The following FBL variants were observed in gnomAD, a reference collection of about 807,000 sequenced individuals.
FBL encodes rRNA 2'-O-methyltransferase fibrillarin.
A neutral mutation model predicts 42.2 loss-of-function variants in FBL; 10 were observed. That is an observed-to-expected ratio of 0.24 (90% confidence interval 0.15 to 0.40). The LOEUF is 0.40. FBL is among the 10% of genes least tolerant of loss of function. The pLI, the probability that FBL is intolerant of heterozygous loss-of-function variation, is 1.00. For synonymous variants in FBL, 165 were observed against 165.4 expected (o/e 1.00, Z 0.02); for missense variants, 351 against 439.2 (o/e 0.80, Z 1.79).
In FBL at chr19:39,846,358, G is replaced by T; in HGVS notation, c.-58C>A. On this transcript the variant is annotated 5_prime_UTR_variant, in exon 1 of 9. Coordinates refer to ENST00000221801, the MANE Select transcript of FBL (RefSeq NM_001436.4). ...GCGGCGTTCACAACTCCACGAGTCC[G>T]GGGCTTTCGCACGTGGAAAAGAGCG... The T allele has an allele frequency of 1.2e-6, 2 of 1,604,606 alleles. No individual in the cohort carries two copies. The highest frequency in any genetic ancestry group is 1.1e-5 in the South Asian group (1 of 89,770).
In FBL at chr19:39,837,826, T is replaced by C; in HGVS notation, c.567A>G (p.Ala189=). 6.2e-7 allele frequency: 1 copy of C among 1,613,534 alleles called. No homozygotes were observed. The highest frequency in any genetic ancestry group is 8.5e-7 in the Non-Finnish European group (1 of 1,179,752). The change falls in exon 6 of 9, where the codon GCA becomes GCG. Residue 189 remains alanine (A), a synonymous_variant. Coordinates refer to ENST00000221801, the MANE Select transcript of FBL (RefSeq NM_001436.4). ...GGCCAGAGCGGTGGGAGAACTCGAC[T>C]GCATAGACTAGACCATCCTAAAATA... ...DIVGPDGLVY[A]VEFSHRSGRD... is the part of the protein sequence containing the mutation.
chr19:39,835,401 C>A (rs1384347147), intron 7 of FBL, among the ~76,000 whole-genome samples: 1 of 152,092 alleles, frequency 6.6e-6, no homozygotes, highest in African/African-American at 2.4e-5. Flanking sequence ...CACCTGTAGT[C>A]CCACCTACTC....
At position 39,840,543 on chromosome 19, in the gene FBL, A is replaced by G. The variant is rs766513915; in HGVS notation, c.182-28T>C. ...ATAAAGGAGAGGTACAACAGGAGAG[A>G]AAGATCCTGAATCTCCGCCCTCCCC... On this transcript the variant is annotated intron_variant, in intron 2 of 8. Coordinates refer to ENST00000221801, the MANE Select transcript of FBL (RefSeq NM_001436.4). This position sits in a 1 kb window ranked among gnomAD's most constrained non-coding sequence, Gnocchi z 4.5. 2 of 1,613,580 alleles carry G rather than the reference A, an allele frequency of 1.2e-6. No homozygotes were observed. The highest frequency in any genetic ancestry group is 1.7e-5 in the Admixed American group (1 of 60,016).
At position 39,846,324 on chromosome 19, in the gene FBL, C is replaced by T; in HGVS notation, c.-24G>A. 6.2e-7 allele frequency: 1 copy of T among 1,612,998 alleles called. No individual in the cohort carries two copies. Among genetic ancestry groups the T allele is most frequent in the Non-Finnish European group, 8.5e-7 (1 of 1,179,560 alleles). ...ATGGCGAGCCCTGGTTTGTGCGGCT[C>T]CGGAGTCCGCGGCGTTCACAACTCC... is the stretch of plus-strand genomic sequence containing the variant. On this transcript the variant is annotated 5_prime_UTR_variant, in exon 1 of 9. Transcript: ENST00000221801.
chr19:39,835,712 G>T (rs1969031894), intron 7 of FBL, among the ~76,000 whole-genome samples: 1 of 151,968 alleles, frequency 6.6e-6, no homozygotes, highest in East Asian at 1.9e-4. Context: ...GATTGCCTGA[G>T]CTCAGGAGCT....
At chr19:39,838,962 A>C in intron 5 of FBL, 73 bp downstream of exon 5, 1 of 1,410,714 alleles carries the variant, frequency 7.1e-7, no homozygotes, top group Non-Finnish European at 9.8e-7. Flanking sequence ...CAAGCAGTCA[A>C]ACCCTGATAT....
rs551087671 is a variant in FBL at position 39,840,814 on chromosome 19, G to A, written c.11-27C>T. On this transcript the variant is annotated intron_variant, in intron 1 of 8. Transcript: ENST00000221801. This position sits in a 1 kb window ranked among gnomAD's most constrained non-coding sequence, Gnocchi z 4.5. ...TGTGGGGGAAACAAAACAGGAGTCA[G>A]GGCAATGAAGCTTAAAAGGTTAAAC... is the stretch of plus-strand genomic sequence containing the variant. The A allele has an allele frequency of 6.6e-7, 1 of 1,504,024 alleles. No individual in the cohort carries two copies. Among genetic ancestry groups the A allele is most frequent in the Admixed American group, 2.4e-5 (1 of 41,420 alleles). 93.2% of individuals were successfully genotyped at this position (1,504,024 alleles called of 1,614,324 possible).
chr19:39,840,889 G>A lies in FBL; in HGVS notation c.11-102C>T, dbSNP rs1400433324. ...CAGGTGAGAAACCTGAAATACATGT[G>A]CCCGTGTACAGCAGGACACATTTCC... On this transcript the variant is annotated intron_variant, in intron 1 of 8. Coordinates refer to ENST00000221801, the MANE Select transcript of FBL (RefSeq NM_001436.4). The surrounding 1 kb of genome is among the most constrained non-coding windows in gnomAD (Gnocchi z 4.5). 4.4e-6 allele frequency: 5 copies of A among 1,129,298 alleles called. No homozygotes were observed. Among genetic ancestry groups the A allele is most frequent in the Middle Eastern group, 2.5e-4 (1 of 3,954 alleles). 70.0% of individuals were successfully genotyped at this position (1,129,298 alleles called of 1,614,324 possible).
rs1376514692 is a variant in FBL at position 39,840,697 on chromosome 19, C to T, written c.101G>A (p.Arg34Gln). Residue 34 changes from arginine to glutamine, a missense_variant, in exon 2 of 9, where the codon CGA becomes CAA. Arg to Gln is a conservative substitution (Grantham distance 43). Transcript: ENST00000221801. This position sits in a 1 kb window ranked among gnomAD's most constrained non-coding sequence, Gnocchi z 4.5. ...RGGRGGFGGG[R>Q]GRGGGFRGRG... Reference sequence around the variant, plus strand: ...ACCTCTAAAGCCTCCGCCTCGACCTCGGCCCCCGCCAAAGCCCCCTCGGCC... The same window carrying T: ...ACCTCTAAAGCCTCCGCCTCGACCTTGGCCCCCGCCAAAGCCCCCTCGGCC... The T allele has an allele frequency of 8.8e-6, 14 of 1,587,890 alleles. No individual in the cohort carries two copies. Among genetic ancestry groups the T allele is most frequent in the Admixed American group, 1.8e-5 (1 of 54,958 alleles).
In FBL at chr19:39,839,086, G is replaced by A. The variant is rs766314397; in HGVS notation, c.498C>T (p.Leu166=). The A allele has an allele frequency of 1.5e-5, 24 of 1,614,006 alleles. No homozygotes were observed. The highest frequency in any genetic ancestry group is 2.7e-5 in the African/African-American group (2 of 74,920). Residue 166 remains leucine, a synonymous_variant, in exon 5 of 9, where the codon CTC becomes CTT. Coordinates refer to ENST00000221801, the MANE Select transcript of FBL (RefSeq NM_001436.4). ...HIKPGAKVLY[L]GAASGTTVSH... is the part of the protein sequence containing the mutation. ...AGACCGTGGTGCCCGAGGCAGCCCC[G>A]AGGTAGAGAACCTTAGCCCCCGGTT... is the stretch of plus-strand genomic sequence containing the variant.
chr19:39,841,310 C>G (rs896198801), intron 1 of FBL, among the ~76,000 whole-genome samples: 14 of 152,096 alleles, frequency 9.2e-5, no homozygotes, highest in African/African-American at 3.4e-4. Context: ...CCTGCCTTGG[C>G]CTCCTGAAGT....
intron 1 of FBL, among the ~76,000 whole-genome samples, chr19:39,843,193 C>T (rs1474178368): frequency 6.6e-6 from 1 of 152,118 alleles, no homozygotes; most frequent in Non-Finnish European, 1.5e-5. Flanking sequence ...TGGTCACCAC[C>T]GCATCCCCAA....
chr19:39,837,796 G>A lies in FBL; in HGVS notation c.597C>T (p.Asp199=), dbSNP rs1969079509. Residue 199 remains aspartate, a synonymous_variant, in exon 6 of 9, where the codon GAC becomes GAT. Transcript: ENST00000221801. ...AVEFSHRSGR[D]LINLAKKRTN... is the part of the protein sequence containing the mutation. ...TCCTCTTCTTGGCCAAGTTAATGAG[G>A]TCACGGCCAGAGCGGTGGGAGAACT... The A allele has an allele frequency of 6.2e-7, 1 of 1,611,728 alleles. No homozygotes were observed. Among genetic ancestry groups the A allele is most frequent in the Non-Finnish European group, 8.5e-7 (1 of 1,179,136 alleles).
rs562118350 is a variant in FBL at position 39,840,736 on chromosome 19, C to T, written c.62G>A (p.Arg21His). 1.1e-5 allele frequency: 18 copies of T among 1,576,328 alleles called. No homozygotes were observed. Among genetic ancestry groups the T allele is most frequent in the Admixed American group, 1.1e-4 (6 of 53,266 alleles). The change falls in exon 2 of 9, where the codon CGT (arginine) becomes CAT (histidine). Residue 21 changes from arginine to histidine, a missense_variant. Transcript: ENST00000221801. The surrounding 1 kb of genome is among the most constrained non-coding windows in gnomAD (Gnocchi z 4.5). ...GCCCCCTCGGCCTCCACGACCACCA[C>T]GGTCACCAAAGCCCCCTCGGCCGCC... The part of the protein sequence containing the change: ...GFGGRGGFGD[R>H]GGRGGRGGFG...
intron 7 of FBL, 64 bp downstream of exon 7, chr19:39,836,492 C>G: frequency 9.3e-7 from 1 of 1,073,534 alleles, no homozygotes; most frequent in Admixed American, 2.0e-5. Flanking sequence ...TTGACAGATA[C>G]AGATAGAGAA....
chr19:39,842,291 T>C (rs1181012518), intron 1 of FBL, among the ~76,000 whole-genome samples: 1 of 152,178 alleles, frequency 6.6e-6, no homozygotes, highest in Non-Finnish European at 1.5e-5. Context: ...TTTCACCGTG[T>C]TAGCCAGGAT....
rs200865220 is a variant in FBL, at chr19:39,846,258, G to T, written c.10+33C>A. 2,838 of 1,613,032 alleles carry T rather than the reference G, an allele frequency of 1.8e-3. 4 individuals carry two copies. The highest frequency in any genetic ancestry group is 2.3e-3 in the Non-Finnish European group (2,684 of 1,179,240). On this transcript the variant is annotated intron_variant, in intron 1 of 8. Coordinates refer to ENST00000221801, the MANE Select transcript of FBL (RefSeq NM_001436.4). ...GCACCCGGATTCCCGCCCGGCCTCC[G>T]TCCCTGACCCCGGACCCTCACCCCA...
chr19:39,844,702 A>AT (rs1165053866), intron 1 of FBL, among the ~76,000 whole-genome samples: 1 of 152,144 alleles, frequency 6.6e-6, no homozygotes, highest in Non-Finnish European at 1.5e-5. Context: ...CATCTCCTAG[A>AT]TTACAGCAAC....
chr19:39,840,342 C>A lies in FBL; in HGVS notation c.284-15G>T, dbSNP rs1187974807. 1 of 1,613,556 alleles carries A rather than the reference C, an allele frequency of 6.2e-7. No individual in the cohort carries two copies. Among genetic ancestry groups the A allele is most frequent in the Non-Finnish European group, 8.5e-7 (1 of 1,179,466 alleles). On this transcript the variant is annotated splice_polypyrimidine_tract_variant and intron_variant, in intron 3 of 8. Transcript: ENST00000221801. The surrounding 1 kb of genome is among the most constrained non-coding windows in gnomAD (Gnocchi z 4.5). Reference sequence around the variant, plus strand: ...AATGAAGACACCTGGGTGAGGGGATCAGAGCAGGGGTGAGGACCCCCAGCC... The same window carrying A: ...AATGAAGACACCTGGGTGAGGGGATAAGAGCAGGGGTGAGGACCCCCAGCC...
Sources: gnomAD v4.1 joint callset for allele counts (sites outside exome capture counted in the v4.1 genomes callset) on GRCh38, gnomAD v4.1.1 for gene constraint, Gnocchi (gnomAD v3.1) non-coding constraint, MANE v1.5 for transcripts, NCBI Gene and HGNC (gene_info 2026-07-23, HGNC 2026-07-21) for gene names.